Variants in GART observed in about 807,000 individuals in gnomAD.
GART encodes the protein phosphoribosylglycinamide formyltransferase, phosphoribosylglycinamide synthetase, phosphoribosylaminoimidazole synthetase.
Under a neutral mutation model 107.2 loss-of-function variants are expected in GART, and 43 were observed. The observed-to-expected ratio is 0.40, with a 90% CI of 0.31 to 0.52. The LOEUF (loss-of-function observed/expected upper bound fraction) is 0.52. Ranked by LOEUF, GART falls within the 20% of genes least tolerant of loss-of-function variation. GART has a pLI of 0.52. For missense variants in GART, 1,107 were observed against 1,206.5 expected, an observed-to-expected ratio of 0.92 and a Z score of 1.22; for synonymous variants, 434 against 427.0, an observed-to-expected ratio of 1.02 and a Z score of -0.20.
intron 16 of GART, among the ~76,000 whole-genome samples, 182 bp from the exon 17 acceptor site, chr21:33,511,640 A>T (rs1245068206): frequency 6.6e-6 from 1 of 152,210 alleles, no homozygotes. Flanking sequence ...AGACATTAAG[A>T]ACATTTTTTT....
Position 33,530,837 on chromosome 21 carries a change from T to C in GART, c.645A>G (p.Ala215=). The C allele has an allele frequency of 6.5e-7, 1 of 1,537,936 alleles. No individual in the cohort carries two copies. Among genetic ancestry groups the C allele is most frequent in the Non-Finnish European group, 8.7e-7 (1 of 1,152,474 alleles). Reference sequence around the variant, plus strand: ...CCTCCAGTAATCGCTTATGGTCCTGTGCTGGGGGCATGGGGGCCACAGTCT... The same window carrying C: ...CCTCCAGTAATCGCTTATGGTCCTGCGCTGGGGGCATGGGGGCCACAGTCT... ...DGKTVAPMPP[A]QDHKRLLEGD... The change falls in exon 7 of 22, where the codon GCA becomes GCG. Residue 215 remains alanine, a synonymous_variant. Coordinates refer to ENST00000381815, the MANE Select transcript of GART (RefSeq NM_000819.5).
intron 6 of GART, 197 bp downstream of exon 6, chr21:33,531,292 C>T (rs1308486508): frequency 1.7e-6 from 1 of 589,290 alleles, no homozygotes; most frequent in Non-Finnish European, 3.0e-6. Context: ...CCCACTAACA[C>T]ACTAGGGATG....
rs1249331100 is a variant in GART at position 33,528,237 on chromosome 21, G to A, written c.996C>T (p.His332=). Reference sequence around the variant, plus strand: ...TTGCCATGACAACAGTTAGGGCGGTGTGGTTTTCTAGCCAAACAGGCAGAG... The same window carrying A: ...TTGCCATGACAACAGTTAGGGCGGTATGGTTTTCTAGCCAAACAGGCAGAG... ...CTSLPVWLEN[H]TALTVVMASK... is the part of the protein sequence containing the mutation. The change falls in exon 10 of 22, where the codon CAC becomes CAT. Residue 332 remains histidine, a synonymous_variant. Coordinates refer to ENST00000381815, the MANE Select transcript of GART (RefSeq NM_000819.5). 2.5e-6 allele frequency: 4 copies of A among 1,613,982 alleles called. No homozygotes were observed. The Admixed American group carries it at 5.0e-5, about 20-fold the overall frequency.
chr21:33,539,318 T>C lies in GART; in HGVS notation c.-3A>G, dbSNP rs1411158782. The C allele has an allele frequency of 6.2e-7, 1 of 1,608,340 alleles. No individual in the cohort carries two copies. The highest frequency in any genetic ancestry group is 8.5e-7 in the Non-Finnish European group (1 of 1,178,440). On this transcript the variant is annotated 5_prime_UTR_variant, in exon 2 of 22. Coordinates refer to ENST00000381815, the MANE Select transcript of GART (RefSeq NM_000819.5). ...ATTATAAGTACTCGGGCTGCCATTG[T>C]TCTGTCTGTAAAGCAGAAATTCCAA...
chr21:33,530,981 A>T, intron 6 of GART, 97 bp from the exon 7 acceptor site: 2 of 1,174,940 alleles, frequency 1.7e-6, no homozygotes, highest in Non-Finnish European at 2.2e-6. Flanking sequence ...TTCTTCTTTG[A>T]GGAAAAGTTT....
At chr21:33,517,178 T>C (rs2084893822) in intron 15 of GART, 37 bp from the exon 16 acceptor site, 3 of 1,579,910 alleles carry the variant, frequency 1.9e-6, no homozygotes, top group East Asian at 4.5e-5. Context: ...ACTTAGCCTA[T>C]GAATAGAAAA....
At position 33,517,380 on chromosome 21, in the gene GART, T is replaced by C. The variant is rs761668054; in HGVS notation, c.1931A>G (p.Asp644Gly). The change falls in exon 15 of 22, where the codon GAT becomes GGT. Residue 644 changes from aspartate to glycine, a missense_variant. Asp to Gly is a moderately conservative substitution (Grantham distance 94, BLOSUM62 -1). Transcript: ENST00000381815. ...ACCTAAAGTCTGGTCACCACAACCA[T>C]CAGGTGCTGGAGAGGAGTACTGGAG... ...SSLQYSSPAP[D>G]GCGDQTLGDL... 4 of 1,614,062 alleles carry C rather than the reference T, an allele frequency of 2.5e-6. No homozygotes were observed. Among genetic ancestry groups the C allele is most frequent in the Non-Finnish European group, 3.4e-6 (4 of 1,180,020 alleles).
At chr21:33,529,912 A>C (rs1363044745) in intron 7 of GART, 1 of 153,294 alleles carries the variant, frequency 6.5e-6, no homozygotes, top group Non-Finnish European at 1.5e-5. Context: ...ACTGTGCAGA[A>C]GGCCAGGCAT....
chr21:33,511,476 G>T lies in GART; in HGVS notation c.2108-18C>A, dbSNP rs369630591. ...CTGGGCATCTGAAAAAAATAGACAC[G>T]AATTGTTTGATTTTCCTACCTTCTC... is the stretch of plus-strand genomic sequence containing the variant. On this transcript the variant is annotated intron_variant, in intron 16 of 21. Transcript: ENST00000381815. 2.5e-6 allele frequency: 4 copies of T among 1,611,010 alleles called. No individual in the cohort carries two copies. Among genetic ancestry groups the T allele is most frequent in the Non-Finnish European group, 3.4e-6 (4 of 1,177,408 alleles).
chr21:33,515,189 C>T (rs944349960), intron 16 of GART, among the ~76,000 whole-genome samples: 2 of 152,174 alleles, frequency 1.3e-5, no homozygotes, highest in African/African-American at 2.4e-5. Flanking sequence ...CTGCTTTATC[C>T]ACTCCTCTCT....
In GART at chr21:33,534,731, A is replaced by G; in HGVS notation, c.264T>C (p.Ser88=). ...TTGGGCCAAAGCATTGCACTCCTGCAGACCTCAGGTTCCCAACAATCCCTA... is the reference window on the plus strand; with the variant it reads ...TTGGGCCAAAGCATTGCACTCCTGCGGACCTCAGGTTCCCAACAATCCCTA... The part of the protein sequence containing the change: ...LAAGIVGNLR[S]AGVQCFGPTA... The change falls in exon 4 of 22, where the codon TCT becomes TCC. Residue 88 remains serine, a synonymous_variant. Transcript: ENST00000381815. The G allele has an allele frequency of 6.3e-7, 1 of 1,598,946 alleles. No homozygotes were observed. The highest frequency in any genetic ancestry group is 8.5e-7 in the Non-Finnish European group (1 of 1,173,866).
At chr21:33,516,891 G>A in intron 16 of GART, 98 bp downstream of exon 16, 1 of 1,025,132 alleles carries the variant, frequency 9.8e-7, no homozygotes, top group Non-Finnish European at 1.4e-6. Flanking sequence ...AATTTTCCAT[G>A]TGTAATCATG....
At chr21:33,531,394 GA>G (rs1304549558) in intron 6 of GART, 94 bp downstream of exon 6, 1 of 1,051,568 alleles carries the variant, frequency 9.5e-7, no homozygotes, top group Non-Finnish European at 1.4e-6. Context: ...GTTTTTAGAT[GA>G]AGCAACCAGA....
intron 4 of GART, among the ~76,000 whole-genome samples, chr21:33,534,316 G>A (rs2085260432): frequency 6.6e-6 from 1 of 152,032 alleles, no homozygotes; most frequent in Non-Finnish European, 1.5e-5. Flanking sequence ...GGGTTCAAGT[G>A]ATCCTCCCAC....
chr21:33,531,018 C>T lies in GART; in HGVS notation c.598-134G>A, dbSNP rs1237943713. Reference sequence around the variant, plus strand: ...TTTTTTTTTTTGCAGAGAAATGAACCGAAACGTCAATAACATTAAGCTACA... The same window carrying T: ...TTTTTTTTTTTGCAGAGAAATGAACTGAAACGTCAATAACATTAAGCTACA... On this transcript the variant is annotated intron_variant, in intron 6 of 21. Coordinates refer to ENST00000381815, the MANE Select transcript of GART (RefSeq NM_000819.5). 8.7e-6 allele frequency: 6 copies of T among 685,938 alleles called. No individual in the cohort carries two copies. Among genetic ancestry groups the T allele is most frequent in the South Asian group, 4.3e-5 (1 of 23,452 alleles). 42.5% of individuals were successfully genotyped at this position (685,938 alleles called of 1,614,324 possible).
At position 33,532,467 on chromosome 21, in the gene GART, A is replaced by G. The variant is rs764031619; in HGVS notation, c.417-11T>C. 6.3e-7 allele frequency: 1 copy of G among 1,592,784 alleles called. No homozygotes were observed. The highest frequency in any genetic ancestry group is 8.6e-7 in the Non-Finnish European group (1 of 1,162,376). ...GCAGGGAAGTCTGCACTGTAAAGAC[A>G]GAGTAATCGTCAACATCCAATAAAC... On this transcript the variant is annotated splice_polypyrimidine_tract_variant and intron_variant, in intron 4 of 21. Coordinates refer to ENST00000381815, the MANE Select transcript of GART (RefSeq NM_000819.5).
Position 33,528,616 on chromosome 21 carries a change from A to AAC in GART, c.812-13_812-12insGT. 4.8e-6 allele frequency: 7 copies of AAC among 1,447,530 alleles called. No homozygotes were observed. The highest frequency in any genetic ancestry group is 5.5e-6 in the Non-Finnish European group (6 of 1,081,486). The allele number at this position is 1,447,530 out of a possible 1,614,324, so 89.7% of individuals were successfully genotyped here. On this transcript the variant is annotated splice_polypyrimidine_tract_variant and intron_variant, in intron 8 of 21. Transcript: ENST00000381815. ...AGCATAGAGAATACCTTCATTAAAA[A>AAC]AGAAAAAAAAAAAAAAGAGAGAAAG...
chr21:33,524,897 T>A lies in GART; in HGVS notation c.1170A>T (p.Thr390=). ...CTGATATGAGATTTTCCCGGATGGC[T>A]GTGACTGCAAGAACTCTACCCCCAT... The part of the protein sequence containing the change: ...VTHGGRVLAV[T]AIRENLISAL... The change falls in exon 11 of 22, where the codon ACA becomes ACT. Residue 390 remains threonine, a synonymous_variant. Coordinates refer to ENST00000381815, the MANE Select transcript of GART (RefSeq NM_000819.5). 6.2e-7 allele frequency: 1 copy of A among 1,614,202 alleles called. No individual in the cohort carries two copies. Among genetic ancestry groups the A allele is most frequent in the East Asian group, 2.2e-5 (1 of 44,892 alleles).
intron 4 of GART, among the ~76,000 whole-genome samples, chr21:33,533,435 A>T (rs1198344166): frequency 1.2e-5 from 1 of 84,344 alleles, no homozygotes; most frequent in African/African-American, 4.9e-5. Flanking sequence ...AAAGAACGAG[A>T]CTCAAAAAAA....
Sources: allele counts gnomAD v4.1 joint callset (sites outside exome capture counted in the v4.1 genomes callset), GRCh38; gene constraint gnomAD v4.1.1; transcripts MANE v1.5; gene names NCBI Gene and HGNC (gene_info 2026-07-23, HGNC 2026-07-21).